The following INO80 variants were observed in gnomAD, a reference collection of about 807,000 sequenced individuals.
The protein encoded by INO80 is INO80 complex ATPase subunit.
A neutral mutation model predicts 203.4 loss-of-function variants in INO80; 20 were observed. That is an observed-to-expected ratio of 0.10 (90% CI 0.07 to 0.14). The LOEUF is 0.14. Among genes scored for constraint, INO80 ranks in the 10% least tolerant of loss-of-function variants. The probability of loss-of-function intolerance (pLI) is 1.00; values close to 1 mark genes in which losing one functional copy is unlikely to be tolerated. For missense variants in INO80, 1,419 were observed against 1,914.4 expected, an observed-to-expected ratio of 0.74 and a Z score of 4.83; for synonymous variants, 726 against 685.2, an observed-to-expected ratio of 1.06 and a Z score of -0.93.
At chr15:40,993,236 T>C (rs1338000052) in intron 29 of INO80, among the ~76,000 whole-genome samples, 6 of 152,318 alleles carry the variant, frequency 3.9e-5, no homozygotes, top group African/African-American at 4.8e-5. Context: ...TATGTGAACC[T>C]TGGAAGCAAG....
intron 20 of INO80, 22 bp downstream of exon 20, chr15:41,049,913 G>A (rs2044838899): frequency 5.1e-6 from 8 of 1,582,754 alleles, no homozygotes; most frequent in South Asian, 1.1e-5. Flanking sequence ...AAAACTTCAA[G>A]GGAACTGACG....
chr15:41,098,802 A>G (rs567261842), intron 1 of INO80, among the ~76,000 whole-genome samples: 4 of 152,318 alleles, frequency 2.6e-5, no homozygotes, highest in South Asian at 2.1e-4. Context: ...CTACAACTCT[A>G]TAAGATAAAT....
At chr15:41,048,649 G>A (rs112725442) in intron 21 of INO80, among the ~76,000 whole-genome samples, 6 of 152,272 alleles carry the variant, frequency 3.9e-5, no homozygotes, top group African/African-American at 1.4e-4. Context: ...TCCAAGAAAT[G>A]TGTTTCAATT....
At chr15:41,053,811 A>C in intron 19 of INO80, 118 bp downstream of exon 19, 2 of 642,550 alleles carry the variant, frequency 3.1e-6, no homozygotes, top group South Asian at 2.5e-5. Context: ...GATCCATGCA[A>C]GTTTAAACGT....
At position 41,079,005 on chromosome 15, in the gene INO80, G is replaced by A. The variant is rs189888048; in HGVS notation, c.1131+696C>T. Among the ~76,000 whole-genome samples the A allele has an allele frequency of 3.7e-3, 568 of 152,282 alleles. 3 individuals carry two copies. Among genetic ancestry groups the A allele is most frequent in the Non-Finnish European group, 5.9e-3 (404 of 68,018 alleles). On this transcript the variant is annotated intron_variant, in intron 9 of 35. Coordinates refer to ENST00000648947, the MANE Select transcript of INO80 (RefSeq NM_017553.3). The stretch of plus-strand genomic sequence containing the variant: ...AAAATACAAAAAATTAGCCAGGCAT[G>A]GTGGTGGGTGCCTATAGTCCCAGCT...
At chr15:40,985,976 C>T (rs16971263) in intron 31 of INO80, among the ~76,000 whole-genome samples, 16,124 of 152,160 alleles carry the variant, frequency 0.11, 2,590 homozygotes, top group African/African-American at 0.35. Context: ...CTTTTAATCT[C>T]TGCTTTGCAC....
intron 14 of INO80, among the ~76,000 whole-genome samples, chr15:41,062,829 G>C (rs533384829): frequency 1.2e-4 from 18 of 152,134 alleles, no homozygotes; most frequent in African/African-American, 4.3e-4. Context: ...AGGCCCTCTG[G>C]AACTATAACA....
At chr15:41,091,650 C>CTTTTT (rs746421749) in intron 5 of INO80, among the ~76,000 whole-genome samples, 3 of 88,270 alleles carry the variant, frequency 3.4e-5, no homozygotes, top group African/African-American at 5.1e-5. Context: ...TGATGTATCT[C>CTTTTT]TTTTTTTTTT....
At chr15:41,065,073 T>C (rs931220217) in intron 14 of INO80, among the ~76,000 whole-genome samples, 1 of 152,294 alleles carries the variant, frequency 6.6e-6, no homozygotes. Flanking sequence ...GTATGTCACA[T>C]TCTATGAAAG....
intron 5 of INO80, among the ~76,000 whole-genome samples, chr15:41,088,087 CTTT>C (rs943111352): frequency 4.0e-5 from 4 of 101,078 alleles, no homozygotes; most frequent in African/African-American, 4.0e-5. Flanking sequence ...GCTTGCTTTT[CTTT>C]TTTTTTTTTT....
chr15:41,055,216 A>G, intron 18 of INO80, 31 bp downstream of exon 18: 1 of 1,258,588 alleles, frequency 7.9e-7, no homozygotes, highest in Non-Finnish European at 1.2e-6. Context: ...ACTGATAGGT[A>G]GATAGAAAGC....
At chr15:41,022,963 T>C (rs1482874744) in intron 25 of INO80, among the ~76,000 whole-genome samples, 3 of 151,974 alleles carry the variant, frequency 2.0e-5, no homozygotes, top group African/African-American at 2.4e-5. Context: ...TAGCCTGGCA[T>C]GGTGGCGTTC....
intron 24 of INO80, among the ~76,000 whole-genome samples, chr15:41,028,594 G>A (rs894085784): frequency 6.6e-6 from 1 of 151,990 alleles, no homozygotes; most frequent in Non-Finnish European, 1.5e-5. Context: ...TTATGTTGCC[G>A]TATCAAAAAT....
intron 14 of INO80, among the ~76,000 whole-genome samples, chr15:41,068,126 TAAG>T (rs1377188460): frequency 1.3e-5 from 2 of 152,132 alleles, no homozygotes; most frequent in African/African-American, 4.8e-5. Flanking sequence ...TTTAGAGTAT[TAAG>T]AAAATGAACT....
chr15:40,994,726 G>A (rs2043858848), intron 29 of INO80, among the ~76,000 whole-genome samples: 2 of 152,064 alleles, frequency 1.3e-5, no homozygotes, highest in South Asian at 4.1e-4. Flanking sequence ...CACTGGAAAT[G>A]TAATTTATAG....
chr15:41,046,937 A>ATTT (rs112368024), intron 23 of INO80, among the ~76,000 whole-genome samples: 1 of 139,396 alleles, frequency 7.2e-6, no homozygotes, highest in Non-Finnish European at 1.6e-5. Flanking sequence ...AAACTGTACT[A>ATTT]TTTTTTTTTT....
At chr15:41,092,270 G>A in intron 4 of INO80, 88 bp from the exon 5 acceptor site, 2 of 1,036,474 alleles carry the variant, frequency 1.9e-6, no homozygotes, top group Non-Finnish European at 1.4e-6. Context: ...CCAAAACAAT[G>A]ACAAAAACAG....
intron 29 of INO80, among the ~76,000 whole-genome samples, chr15:40,990,356 TTCTG>T (rs1156292007): frequency 3.9e-5 from 6 of 152,300 alleles, no homozygotes; most frequent in East Asian, 1.9e-4. Flanking sequence ...TTGAAACTGT[TTCTG>T]TCTCTCTTTT....
chr15:41,041,176 T>TCCACCTCAGCCTTCCAATCCTC (rs1262870897), intron 24 of INO80, among the ~76,000 whole-genome samples: 1 of 151,790 alleles, frequency 6.6e-6, no homozygotes, highest in African/African-American at 2.4e-5. Context: ...AGGCGATCCT[T>TCCACCTCAGCCTTCCAATCCTC]CCACCTCAGC....
Sources: allele counts gnomAD v4.1 joint callset (sites outside exome capture counted in the v4.1 genomes callset), GRCh38; gene constraint gnomAD v4.1.1; transcripts MANE v1.5; gene names NCBI Gene and HGNC (gene_info 2026-07-23, HGNC 2026-07-21).